The following LDLRAD3 variants were observed in gnomAD, a reference collection of about 807,000 sequenced individuals.
LDLRAD3 encodes low-density lipoprotein receptor class A domain-containing protein 3.
In LDLRAD3, 20 loss-of-function variants were observed where a neutral mutation model predicts 29.4. The observed-to-expected ratio is 0.68, with a 90% confidence interval of 0.48 to 0.99. The LOEUF (loss-of-function observed/expected upper bound fraction) is 0.99, where lower values mean the gene tolerates loss of function less well. LDLRAD3 is among the 50% of genes least tolerant of loss of function. The pLI, the probability that LDLRAD3 is intolerant of heterozygous loss-of-function variation, is 0.00. For synonymous variants in LDLRAD3, 157 were observed against 192.7 expected, an observed-to-expected ratio of 0.81 and a Z score of 1.53; for missense variants, 420 against 454.3, an observed-to-expected ratio of 0.92 and a Z score of 0.69.
At chr11:36,093,753 G>T (rs1258450268) in intron 3 of LDLRAD3, among the ~76,000 whole-genome samples, 1 of 152,208 alleles carries the variant, frequency 6.6e-6, no homozygotes, top group Non-Finnish European at 1.5e-5. Context: ...AATTTGAAGG[G>T]TGAATGGGGG....
chr11:35,999,688 A>G (rs374643135), intron 1 of LDLRAD3, among the ~76,000 whole-genome samples: 3 of 152,308 alleles, frequency 2.0e-5, no homozygotes, highest in East Asian at 3.9e-4. Flanking sequence ...GGAGGGGTGT[A>G]TCACCTCTTT....
chr11:36,142,305 GAAGAAGACATAGACAC>G (rs1262896503), intron 4 of LDLRAD3, among the ~76,000 whole-genome samples: 3 of 152,188 alleles, frequency 2.0e-5, no homozygotes, highest in Admixed American at 1.3e-4. Context: ...TAAGTGAGCT[GAAGAAGACATAGACAC>G]AAGAATATCC....
At chr11:36,141,032 CT>C (rs1287836206) in intron 4 of LDLRAD3, among the ~76,000 whole-genome samples, 31 of 144,620 alleles carry the variant, frequency 2.1e-4, no homozygotes, top group African/African-American at 7.1e-4. Context: ...CTCTCTCTCT[CT>C]CTCCGTGTGG....
chr11:36,165,972 C>CCCTCCCTT (rs1310956852), intron 4 of LDLRAD3, among the ~76,000 whole-genome samples: 1 of 116,688 alleles, frequency 8.6e-6, no homozygotes. Flanking sequence ...CTCCCTCCCT[C>CCCTCCCTT]CCTCCCTTCC....
At chr11:35,954,874 T>C (rs898821198) in intron 1 of LDLRAD3, among the ~76,000 whole-genome samples, 4 of 152,260 alleles carry the variant, frequency 2.6e-5, no homozygotes, top group Non-Finnish European at 5.9e-5. Context: ...GCTATGCATC[T>C]TAATTCCATT....
At chr11:36,111,889 G>A (rs371409221) in intron 4 of LDLRAD3, among the ~76,000 whole-genome samples, 126 of 152,294 alleles carry the variant, frequency 8.3e-4, no homozygotes, top group African/African-American at 2.8e-3. Flanking sequence ...GAGCCACCAC[G>A]CCCGGCCCAG....
At chr11:36,071,016 A>G (rs569036002) in intron 2 of LDLRAD3, among the ~76,000 whole-genome samples, 1 of 152,140 alleles carries the variant, frequency 6.6e-6, no homozygotes, top group Non-Finnish European at 1.5e-5. Flanking sequence ...GATGCCCTGT[A>G]CCCGGTGCAA....
In LDLRAD3 at chr11:36,151,461, G is replaced by A. The variant is rs137902456; in HGVS notation, c.454+53000G>A. Among the ~76,000 whole-genome samples, 285 of 152,180 alleles carry A rather than the reference G, an allele frequency of 1.9e-3. 2 individuals carry two copies. Among genetic ancestry groups the A allele is most frequent in the Middle Eastern group, 6.8e-3 (2 of 294 alleles). ...TTGGACTCTGTTACCGCCATTTTACGAAGAAGGAAACTAAGGCTACAAATG... is the reference window on the plus strand; with the variant it reads ...TTGGACTCTGTTACCGCCATTTTACAAAGAAGGAAACTAAGGCTACAAATG... On this transcript the variant is annotated intron_variant, in intron 4 of 5. Transcript: ENST00000315571.
intron 1 of LDLRAD3, among the ~76,000 whole-genome samples, chr11:35,959,817 A>G (rs541309419): frequency 6.6e-6 from 1 of 152,222 alleles, no homozygotes; most frequent in South Asian, 2.1e-4. Flanking sequence ...TGGTCCCTGT[A>G]GCTACTTGGG....
intron 1 of LDLRAD3, among the ~76,000 whole-genome samples, chr11:35,975,420 A>G (rs1208289774): frequency 2.0e-5 from 3 of 152,194 alleles, no homozygotes; most frequent in African/African-American, 7.2e-5. Flanking sequence ...TCCCTGAAGA[A>G]CAAGAGCATG....
chr11:36,010,381 A>G (rs1259948969), intron 1 of LDLRAD3, among the ~76,000 whole-genome samples: 1 of 152,226 alleles, frequency 6.6e-6, no homozygotes, highest in Non-Finnish European at 1.5e-5. Flanking sequence ...GAAGAAGAAT[A>G]TATTTTGGAA....
chr11:36,213,236 T>G lies in LDLRAD3; in HGVS notation c.455-13849T>G, dbSNP rs1057187524. Among the ~76,000 whole-genome samples, 4 of 152,222 alleles carry G rather than the reference T, an allele frequency of 2.6e-5. No individual in the cohort carries two copies. Among genetic ancestry groups the G allele is most frequent in the Non-Finnish European group, 4.4e-5 (3 of 68,046 alleles). On this transcript the variant is annotated intron_variant, in intron 4 of 5. Coordinates refer to ENST00000315571, the MANE Select transcript of LDLRAD3 (RefSeq NM_174902.4). This position sits in a 1 kb window ranked among gnomAD's most constrained non-coding sequence, Gnocchi z 4.1. Reference sequence around the variant, plus strand: ...TCTCCTCTCTCATTTCCCTCTGGCTTGGGGCCAGGATGGCCCCTGCTGTGG... The same window carrying G: ...TCTCCTCTCTCATTTCCCTCTGGCTGGGGGCCAGGATGGCCCCTGCTGTGG...
At chr11:36,216,533 C>G (rs963019830) in intron 4 of LDLRAD3, among the ~76,000 whole-genome samples, 2 of 152,042 alleles carry the variant, frequency 1.3e-5, no homozygotes, top group African/African-American at 4.8e-5. Context: ...AAAAAATAAC[C>G]CTAGGGGGTG....
intron 4 of LDLRAD3, among the ~76,000 whole-genome samples, chr11:36,149,611 A>G (rs1330241374): frequency 1.3e-5 from 2 of 152,182 alleles, no homozygotes. Flanking sequence ...TGAAAATGTC[A>G]GAGCTGTGAG....
chr11:36,165,582 G>A (rs531528534), intron 4 of LDLRAD3, among the ~76,000 whole-genome samples: 1 of 152,236 alleles, frequency 6.6e-6, no homozygotes, highest in South Asian at 2.1e-4. Context: ...GCAAGAAATG[G>A]TATCTAATTG....
At chr11:36,117,833 G>A (rs543818664) in intron 4 of LDLRAD3, among the ~76,000 whole-genome samples, 2 of 152,324 alleles carry the variant, frequency 1.3e-5, no homozygotes, top group African/African-American at 4.8e-5. Context: ...AGATTATTAT[G>A]TAAGATATCT....
At chr11:36,095,297 A>G (rs575300458) in intron 3 of LDLRAD3, among the ~76,000 whole-genome samples, 11 of 152,344 alleles carry the variant, frequency 7.2e-5, no homozygotes, top group Non-Finnish European at 1.5e-4. Flanking sequence ...TCCTAGGTGG[A>G]CGTACCAATT....
intron 4 of LDLRAD3, among the ~76,000 whole-genome samples, chr11:36,168,825 T>A (rs972466792): frequency 3.3e-5 from 5 of 152,240 alleles, no homozygotes; most frequent in Admixed American, 2.0e-4. Context: ...AAATCAGACT[T>A]CCAGATGTTG....
At chr11:36,124,440 G>A (rs927641830) in intron 4 of LDLRAD3, among the ~76,000 whole-genome samples, 1 of 152,176 alleles carries the variant, frequency 6.6e-6, no homozygotes, top group Non-Finnish European at 1.5e-5. Flanking sequence ...TATAAGGGTA[G>A]TGAGACCCAG....
Sources: allele counts gnomAD v4.1 joint callset (sites outside exome capture counted in the v4.1 genomes callset), GRCh38; gene constraint gnomAD v4.1.1; non-coding constraint Gnocchi (gnomAD v3.1); transcripts MANE v1.5; gene names NCBI Gene and HGNC (gene_info 2026-07-23, HGNC 2026-07-21).